The following SLC67A2 variants were observed in gnomAD, a reference collection of about 807,000 sequenced individuals.
SLC67A2 encodes solute carrier family 67 member A2.
At chr2:102,716,189 T>C in the SLC67A2 span, 1 of 152,236 alleles carries the variant, frequency 6.6e-6, no homozygotes. Context: ...TCTTTGGTTT[T>C]CTATATTTCC....
the SLC67A2 span, among the ~76,000 whole-genome samples, chr2:102,715,136 A>G: frequency 1.3e-5 from 2 of 152,126 alleles, no homozygotes; most frequent in Non-Finnish European, 2.9e-5. Context: ...TTACTGCCCC[A>G]AAGTCCAGAC....
At chr2:102,736,419 G>T in the SLC67A2 span, 1 of 1,234,358 alleles carries the variant, frequency 8.1e-7, no homozygotes, top group African/African-American at 1.5e-5. Context: ...AAGACGTTCC[G>T]CGAACGGGGT....
At chr2:102,723,590 C>T in the SLC67A2 span, 12 of 1,100,016 alleles carry the variant, frequency 1.1e-5, no homozygotes, top group South Asian at 6.0e-5. Context: ...TGTTTTTGGA[C>T]GATGAGTCTG....
At chr2:102,734,994 A>G in the SLC67A2 span, among the ~76,000 whole-genome samples, 1 of 152,208 alleles carries the variant, frequency 6.6e-6, no homozygotes, top group African/African-American at 2.4e-5. Context: ...ATCTGGCTGA[A>G]CCAGCCCAAG....
the SLC67A2 span, among the ~76,000 whole-genome samples, chr2:102,734,847 T>G: frequency 6.6e-6 from 1 of 152,226 alleles, no homozygotes; most frequent in Non-Finnish European, 1.5e-5. Flanking sequence ...AATATTCAAA[T>G]CTGTATTGGA....
the SLC67A2 span, among the ~76,000 whole-genome samples, chr2:102,730,566 A>G: frequency 2.0e-5 from 3 of 150,936 alleles, no homozygotes; most frequent in African/African-American, 7.3e-5. Flanking sequence ...TTTTTGAGAC[A>G]GAGTCTCGCT....
At chr2:102,717,201 T>C in the SLC67A2 span, 1 of 151,916 alleles carries the variant, frequency 6.6e-6, no homozygotes, top group East Asian at 1.9e-4. Context: ...GGCTAATTTT[T>C]TTTTTGTATT....
At chr2:102,727,674 A>T in the SLC67A2 span, among the ~76,000 whole-genome samples, 1 of 152,084 alleles carries the variant, frequency 6.6e-6, no homozygotes, top group Non-Finnish European at 1.5e-5. Context: ...CTTAGAACAA[A>T]CCCCTAGAAC....
At chr2:102,730,958 T>C in the SLC67A2 span, 2 of 1,384,198 alleles carry the variant, frequency 1.4e-6, no homozygotes, top group African/African-American at 1.4e-5. Context: ...TCTATCACTT[T>C]TTGATAAACT....
chr2:102,729,923 T>C, the SLC67A2 span, among the ~76,000 whole-genome samples: 1 of 152,244 alleles, frequency 6.6e-6, no homozygotes, highest in East Asian at 1.9e-4. Flanking sequence ...TTTAAAAATA[T>C]ATTTTACAAG....
At chr2:102,734,917 T>C in the SLC67A2 span, among the ~76,000 whole-genome samples, 12 of 152,258 alleles carry the variant, frequency 7.9e-5, no homozygotes, top group African/African-American at 2.9e-4. Context: ...CTAAAACTAC[T>C]TTGAATTCTA....
chr2:102,727,193 A>C, the SLC67A2 span, among the ~76,000 whole-genome samples: 1 of 152,248 alleles, frequency 6.6e-6, no homozygotes, highest in East Asian at 1.9e-4. Context: ...TTTGTCCAAA[A>C]ACAAACAAAC....
At chr2:102,719,074 G>T in the SLC67A2 span, 3 of 1,614,218 alleles carry the variant, frequency 1.9e-6, no homozygotes, top group Non-Finnish European at 2.5e-6. Context: ...TGCTGGCCCT[G>T]GCTCTGCGGC....
chr2:102,735,607 G>C, the SLC67A2 span, among the ~76,000 whole-genome samples: 1 of 152,292 alleles, frequency 6.6e-6, no homozygotes, highest in South Asian at 2.1e-4. Flanking sequence ...GCCTAGCCTT[G>C]GAAAGGGAGG....
At chr2:102,718,191 T>C in the SLC67A2 span, 1 of 546,896 alleles carries the variant, frequency 1.8e-6, no homozygotes, top group Non-Finnish European at 3.2e-6. Context: ...TATGCTCACC[T>C]TGGAAAAGCT....
At chr2:102,720,786 G>C in the SLC67A2 span, among the ~76,000 whole-genome samples, 1 of 152,304 alleles carries the variant, frequency 6.6e-6, no homozygotes, top group South Asian at 2.1e-4. Context: ...CAATGAAAAG[G>C]CTTTCTCAGG....
chr2:102,726,643 C>A, the SLC67A2 span, among the ~76,000 whole-genome samples: 1 of 151,940 alleles, frequency 6.6e-6, no homozygotes, highest in East Asian at 1.9e-4. Context: ...CACACACAGG[C>A]CAGCATTTCT....
chr2:102,736,865 C>T, the SLC67A2 span: 15 of 1,505,480 alleles, frequency 1.0e-5, no homozygotes, highest in African/African-American at 1.4e-5. Context: ...ACCCCGGGAG[C>T]CCAGCCCCGC....
the SLC67A2 span, among the ~76,000 whole-genome samples, chr2:102,724,234 T>G: frequency 6.6e-6 from 1 of 152,150 alleles, no homozygotes; most frequent in Non-Finnish European, 1.5e-5. Flanking sequence ...CAGTTACGCT[T>G]GCATTTCACG....
Sources: allele counts gnomAD v4.1 joint callset (sites outside exome capture counted in the v4.1 genomes callset), GRCh38; gene constraint gnomAD v4.1.1; transcripts MANE v1.5; gene names NCBI Gene and HGNC (gene_info 2026-07-23, HGNC 2026-07-21).